Variants in ITM2B observed in about 807,000 individuals in gnomAD.
ITM2B encodes the protein ABri/ADan amyloid peptide.
ITM2B carries 11 observed loss-of-function variants against 27.8 expected under a neutral mutation model. The observed-to-expected ratio is 0.40, with a 90% CI of 0.25 to 0.66. The LOEUF (loss-of-function observed/expected upper bound fraction) is 0.66. ITM2B is among the 30% of genes least tolerant of loss of function. The pLI, the probability that ITM2B is intolerant of heterozygous loss-of-function variation, is 0.43. For synonymous variants in ITM2B, 114 were observed against 114.3 expected, an observed-to-expected ratio of 1.00 and a Z score of 0.02; for missense variants, 296 against 328.9, an observed-to-expected ratio of 0.90 and a Z score of 0.77.
At chr13:48,261,062 T>G in intron 5 of ITM2B, 77 bp from the exon 6 acceptor site, 1 of 957,998 alleles carries the variant, frequency 1.0e-6, no homozygotes, top group South Asian at 1.5e-5. Flanking sequence ...TATGTCTAAA[T>G]AATAACTATA....
chr13:48,261,055 G>C, intron 5 of ITM2B, 84 bp from the exon 6 acceptor site: 1 of 896,314 alleles, frequency 1.1e-6, no homozygotes, highest in Non-Finnish European at 1.8e-6. Flanking sequence ...ACTTCTATAT[G>C]TCTAAATAAT....
Position 48,267,858 on chromosome 13 carries a change from C to T in ITM2B, c.*6634C>T, listed in dbSNP as rs1268650609. 1 of 152,196 alleles carries T rather than the reference C, an allele frequency of 6.6e-6. No homozygotes were observed. Among genetic ancestry groups the T allele is most frequent in the Admixed American group, 6.5e-5 (1 of 15,272 alleles). The allele number at this position is 152,196 out of a possible 1,614,324, so 9.4% of individuals were successfully genotyped here. ...AGCCTAGGTTTTTCTGTATATCACC[C>T]TTTCGGTAGGGCTTGAAGTAACCCT... On this transcript the variant is annotated 3_prime_UTR_variant, in exon 6 of 6. Transcript: ENST00000647800.
At chr13:48,251,129 C>G (rs1292190206) in intron 1 of ITM2B, among the ~76,000 whole-genome samples, 1 of 152,210 alleles carries the variant, frequency 6.6e-6, no homozygotes, top group Non-Finnish European at 1.5e-5. Flanking sequence ...GTGACCTGCA[C>G]CAGCTTCTTG....
chr13:48,235,816 C>G (rs1951664915), intron 1 of ITM2B, among the ~76,000 whole-genome samples: 1 of 152,214 alleles, frequency 6.6e-6, no homozygotes, highest in African/African-American at 2.4e-5. Flanking sequence ...AAGAATTTTT[C>G]TTATCTTTAA....
chr13:48,265,452 GCTC>G lies in ITM2B; in HGVS notation c.*4229_*4231del, dbSNP rs766029864. 6.6e-6 allele frequency: 1 copy of G among 152,174 alleles called. No individual in the cohort carries two copies. Among genetic ancestry groups the G allele is most frequent in the Non-Finnish European group, 1.5e-5 (1 of 68,076 alleles). The allele number at this position is 152,174 out of a possible 1,614,324, so 9.4% of individuals were successfully genotyped here. On this transcript the variant is annotated 3_prime_UTR_variant, in exon 6 of 6. Coordinates refer to ENST00000647800, the MANE Select transcript of ITM2B (RefSeq NM_021999.5). ...CCTCCTAGCAGCTTCCTGCTGTTCTGCTCTAGTGGTTCTCTCTGCTTCCCCACA... is the reference window on the plus strand; with the variant it reads ...CCTCCTAGCAGCTTCCTGCTGTTCTGTAGTGGTTCTCTCTGCTTCCCCACA...
At chr13:48,247,513 A>T (rs1238389424) in intron 1 of ITM2B, among the ~76,000 whole-genome samples, 3 of 152,226 alleles carry the variant, frequency 2.0e-5, no homozygotes, top group Non-Finnish European at 4.4e-5. Flanking sequence ...CCTGTAAAAA[A>T]ATGTTCAAAT....
At chr13:48,249,216 T>C (rs1474477894) in intron 1 of ITM2B, among the ~76,000 whole-genome samples, 1 of 152,222 alleles carries the variant, frequency 6.6e-6, no homozygotes, top group Non-Finnish European at 1.5e-5. Context: ...TTTTGCCTTT[T>C]CTAGAATTTG....
intron 1 of ITM2B, among the ~76,000 whole-genome samples, chr13:48,241,803 A>C (rs894471956): frequency 6.6e-6 from 1 of 152,218 alleles, no homozygotes; most frequent in African/African-American, 2.4e-5. Context: ...GGAAAATTGC[A>C]CTGTACAATT....
At chr13:48,258,732 G>T (rs1951804516) in intron 4 of ITM2B, 65 bp from the exon 5 acceptor site, 1 of 1,477,066 alleles carries the variant, frequency 6.8e-7, no homozygotes, top group Non-Finnish European at 9.5e-7. Context: ...ATTTTGTCTT[G>T]TTTCTCTAGT....
Position 48,268,225 on chromosome 13 carries a change from GTTCT to G in ITM2B, c.*7008_*7011del, listed in dbSNP as rs934908111. The G allele has an allele frequency of 5.2e-4, 79 of 151,904 alleles. 1 individual carries two copies. Among genetic ancestry groups the G allele is most frequent in the African/African-American group, 1.9e-3 (77 of 41,464 alleles). The allele number at this position is 151,904 out of a possible 1,614,324, so 9.4% of individuals were successfully genotyped here. ...GTCCATGTTGTTGCATGACTCAGCA[GTTCT>G]TTCTTTTCAGTTGCTGTGTAGTAGT... On this transcript the variant is annotated 3_prime_UTR_variant, in exon 6 of 6. Transcript: ENST00000647800.
rs898292453 is a variant in ITM2B, at chr13:48,233,210, G to C, written c.-151G>C. On this transcript the variant is annotated 5_prime_UTR_variant, in exon 1 of 6. Coordinates refer to ENST00000647800, the MANE Select transcript of ITM2B (RefSeq NM_021999.5). Reference sequence around the variant, plus strand: ...AGGCTGCGAGATCCCTACCGCAGTAGCCGCCTCTGCCGCCGCGGAGCTTCC... The same window carrying C: ...AGGCTGCGAGATCCCTACCGCAGTACCCGCCTCTGCCGCCGCGGAGCTTCC... 7 of 476,882 alleles carry C rather than the reference G, an allele frequency of 1.5e-5. No individual in the cohort carries two copies. The highest frequency in any genetic ancestry group is 6.4e-5 in the African/African-American group (3 of 47,238). The allele number at this position is 476,882 out of a possible 1,614,324, so 29.5% of individuals were successfully genotyped here.
At chr13:48,233,511 T>A in intron 1 of ITM2B, 34 bp downstream of exon 1, 1 of 1,428,568 alleles carries the variant, frequency 7.0e-7, no homozygotes. Flanking sequence ...AAGCGGGTGC[T>A]GGGCCCGGCC....
intron 1 of ITM2B, among the ~76,000 whole-genome samples, chr13:48,246,237 C>G (rs565044471): frequency 6.6e-6 from 1 of 152,278 alleles, no homozygotes; most frequent in South Asian, 2.1e-4. Context: ...GGTCAGAGGC[C>G]TTTGTGAAAT....
chr13:48,241,556 G>T (rs541765392), intron 1 of ITM2B, among the ~76,000 whole-genome samples: 1 of 152,196 alleles, frequency 6.6e-6, no homozygotes, highest in South Asian at 2.1e-4. Flanking sequence ...ATCAGTGGTT[G>T]TTAAACATTT....
chr13:48,258,894 G>A lies in ITM2B; in HGVS notation c.662G>A (p.Arg221Gln), dbSNP rs199884227. ...NIDHLGFFIY[R>Q]LCHDKETYKL... The stretch of plus-strand genomic sequence containing the variant: ...GATCACCTGGGTTTCTTTATTTATC[G>A]ACTGTGTCATGACAAGGAAACTTAC... Residue 221 changes from arginine to glutamine, a missense_variant, in exon 5 of 6, where the codon CGA becomes CAA. Transcript: ENST00000647800. 7 of 1,612,908 alleles carry A rather than the reference G, an allele frequency of 4.3e-6. No individual in the cohort carries two copies. The highest frequency in any genetic ancestry group is 1.6e-4 in the Middle Eastern group (1 of 6,082).
At chr13:48,254,633 C>T (rs1200023983) in intron 2 of ITM2B, among the ~76,000 whole-genome samples, 1 of 151,930 alleles carries the variant, frequency 6.6e-6, no homozygotes, top group Non-Finnish European at 1.5e-5. Flanking sequence ...ATGACTACTT[C>T]AGCTGTTTCA....
At chr13:48,242,714 A>G (rs1473611245) in intron 1 of ITM2B, among the ~76,000 whole-genome samples, 1 of 152,056 alleles carries the variant, frequency 6.6e-6, no homozygotes, top group African/African-American at 2.4e-5. Context: ...ATGTGATGCC[A>G]TTCTGATTCC....
At position 48,267,732 on chromosome 13, in the gene ITM2B, GTTAATA is replaced by G. The variant is rs1428035130; in HGVS notation, c.*6512_*6517del. 2.0e-5 allele frequency: 3 copies of G among 152,110 alleles called. No individual in the cohort carries two copies. The highest frequency in any genetic ancestry group is 4.4e-5 in the Non-Finnish European group (3 of 68,018). 9.4% of individuals were successfully genotyped at this position (152,110 alleles called of 1,614,324 possible). ...AAAATTTTTTTCACATAGGATACAT[GTTAATA>G]TTAGGTAGTACATCTAAAGAATTCA... On this transcript the variant is annotated 3_prime_UTR_variant, in exon 6 of 6. Transcript: ENST00000647800.
At chr13:48,237,098 T>C (rs1205142033) in intron 1 of ITM2B, among the ~76,000 whole-genome samples, 2 of 152,162 alleles carry the variant, frequency 1.3e-5, no homozygotes, top group East Asian at 1.9e-4. Flanking sequence ...ATTAAGCTTT[T>C]CGTTTGTGGT....
Sources: gnomAD v4.1 joint callset for allele counts (sites outside exome capture counted in the v4.1 genomes callset) on GRCh38, gnomAD v4.1.1 for gene constraint, MANE v1.5 for transcripts, NCBI Gene and HGNC (gene_info 2026-07-23, HGNC 2026-07-21) for gene names.